Variants in HADH observed in about 807,000 individuals in gnomAD.
HADH encodes hydroxyacyl-CoA dehydrogenase.
In HADH, 24 loss-of-function variants were observed where a neutral mutation model predicts 32.2. That is an observed-to-expected ratio of 0.75 (90% CI 0.54 to 1.05). HADH has a LOEUF of 1.05. HADH is among the 50% of genes least tolerant of loss of function. The probability of loss-of-function intolerance (pLI) is 0.00; values close to 1 mark genes in which losing one functional copy is unlikely to be tolerated. For missense variants in HADH, 350 were observed against 397.1 expected, an observed-to-expected ratio of 0.88 and a Z score of 1.01; for synonymous variants, 139 against 152.5, an observed-to-expected ratio of 0.91 and a Z score of 0.65.
chr4:107,995,690 A>G (rs1734935002), intron 1 of HADH, among the ~76,000 whole-genome samples: 1 of 152,174 alleles, frequency 6.6e-6, no homozygotes, highest in African/African-American at 2.4e-5. Flanking sequence ...CCTGGGGTCA[A>G]TGGTCAGAGG....
chr4:108,010,600 T>C (rs565833524), intron 2 of HADH, among the ~76,000 whole-genome samples: 1 of 152,342 alleles, frequency 6.6e-6, no homozygotes, highest in Admixed American at 6.5e-5. Context: ...CATAAGGCAT[T>C]TGTTGTTTCT....
intron 4 of HADH, among the ~76,000 whole-genome samples, chr4:108,022,197 G>GTGTGTGTT (rs1735911523): frequency 2.5e-5 from 1 of 39,870 alleles, no homozygotes; most frequent in Non-Finnish European, 6.7e-5. Flanking sequence ...GTATGTGTGT[G>GTGTGTGTT]TGTATGTGTG....
At chr4:108,024,260 C>T (rs978029758) in intron 5 of HADH, 1 of 152,298 alleles carries the variant, frequency 6.6e-6, no homozygotes, top group Non-Finnish European at 1.5e-5. Flanking sequence ...TCCCCCAAAA[C>T]TCGGGGACTA....
In HADH at chr4:108,010,003, T is replaced by C; in HGVS notation, c.261+116T>C. ...TTTTTTTTTTTTTTTTTCAGTTTGTTAGTGTAAAACTCATTTTTCCATAAC... is the reference window on the plus strand; with the variant it reads ...TTTTTTTTTTTTTTTTTCAGTTTGTCAGTGTAAAACTCATTTTTCCATAAC... On this transcript the variant is annotated intron_variant, in intron 2 of 7. Transcript: ENST00000309522. 2 of 755,410 alleles carry C rather than the reference T, an allele frequency of 2.6e-6. 1 individual carries two copies. The highest frequency in any genetic ancestry group is 3.3e-5 in the South Asian group (2 of 61,166). 46.8% of individuals were successfully genotyped at this position (755,410 alleles called of 1,614,324 possible).
chr4:108,032,187 C>T (rs1050624400), intron 6 of HADH: 1 of 535,052 alleles, frequency 1.9e-6, no homozygotes, highest in Non-Finnish European at 3.5e-6. Context: ...TCTAGATAGC[C>T]ACCTGTTGCA....
intron 1 of HADH, among the ~76,000 whole-genome samples, chr4:107,998,720 T>C (rs1382700942): frequency 6.6e-6 from 1 of 152,094 alleles, no homozygotes; most frequent in Non-Finnish European, 1.5e-5. Flanking sequence ...TGTGTTCTTT[T>C]TGTTTTTTTG....
At chr4:108,016,554 C>A (rs992382095) in intron 3 of HADH, among the ~76,000 whole-genome samples, 7 of 152,174 alleles carry the variant, frequency 4.6e-5, no homozygotes, top group Admixed American at 3.9e-4. Flanking sequence ...TAATAAACAG[C>A]CACCCCAAAA....
At chr4:108,031,881 A>T (rs527536356) in intron 6 of HADH, 161 of 154,126 alleles carry the variant, frequency 1.0e-3, no homozygotes, top group Middle Eastern at 3.4e-3. Flanking sequence ...TGCCTATATG[A>T]TTATTTTTGT....
intron 1 of HADH, 44 bp from the exon 2 acceptor site, chr4:108,009,715 T>C (rs778868000): frequency 2.5e-6 from 4 of 1,602,554 alleles, no homozygotes; most frequent in African/African-American, 1.3e-5. Flanking sequence ...GTGCGTGTTA[T>C]GTTTTCTTTC....
chr4:108,011,238 C>G (rs1735484272), intron 2 of HADH, among the ~76,000 whole-genome samples: 1 of 151,944 alleles, frequency 6.6e-6, no homozygotes, highest in African/African-American at 2.4e-5. Flanking sequence ...TTTTTTTTAA[C>G]CCATTGTATT....
chr4:108,003,101 TAG>T (rs1735169343), intron 1 of HADH, among the ~76,000 whole-genome samples: 2 of 122,002 alleles, frequency 1.6e-5, no homozygotes, highest in Non-Finnish European at 3.3e-5. Flanking sequence ...ATCAGTGTCT[TAG>T]TCTTTTTTTT....
chr4:108,022,198 T>C (rs1735911356), intron 4 of HADH, among the ~76,000 whole-genome samples: 1 of 36,628 alleles, frequency 2.7e-5, no homozygotes, highest in Admixed American at 3.9e-4. Flanking sequence ...TATGTGTGTG[T>C]GTATGTGTGT....
chr4:108,016,493 A>G (rs547838157), intron 3 of HADH, among the ~76,000 whole-genome samples: 5 of 152,302 alleles, frequency 3.3e-5, no homozygotes, highest in African/African-American at 4.8e-5. Flanking sequence ...AAAACAGAAT[A>G]TACTTGTGGT....
chr4:107,997,020 A>G (rs533272214), intron 1 of HADH, among the ~76,000 whole-genome samples: 1 of 152,228 alleles, frequency 6.6e-6, no homozygotes, highest in Non-Finnish European at 1.5e-5. Context: ...AGTTCAAGAC[A>G]TTACACAACC....
intron 2 of HADH, among the ~76,000 whole-genome samples, chr4:108,014,013 T>A (rs1332004894): frequency 6.6e-6 from 1 of 152,166 alleles, no homozygotes; most frequent in Non-Finnish European, 1.5e-5. Flanking sequence ...CTTATTGAGG[T>A]CTGTGGAAAC....
chr4:108,035,019 C>A lies in HADH; in HGVS notation c.*662C>A, dbSNP rs1736417457. On this transcript the variant is annotated 3_prime_UTR_variant, in exon 8 of 8. Coordinates refer to ENST00000309522, the MANE Select transcript of HADH (RefSeq NM_005327.7). ...ATTACTGTCTGTCTGTGTCTTTTTT[C>A]CATGAGAAATCACTGTTGCAAATTG... 6.5e-6 allele frequency: 1 copy of A among 153,030 alleles called. No homozygotes were observed. Among genetic ancestry groups the A allele is most frequent in the African/African-American group, 2.4e-5 (1 of 41,376 alleles). The allele number at this position is 153,030 out of a possible 1,614,324, so 9.5% of individuals were successfully genotyped here.
chr4:108,012,227 C>T (rs894694219), intron 2 of HADH, among the ~76,000 whole-genome samples: 21 of 151,646 alleles, frequency 1.4e-4, no homozygotes, highest in African/African-American at 4.4e-4. Flanking sequence ...CATTTTTTCC[C>T]CAATGTCTAG....
chr4:108,004,896 C>T, intron 1 of HADH: 1 of 1,535,726 alleles, frequency 6.5e-7, no homozygotes, highest in South Asian at 1.2e-5. Flanking sequence ...GGAAGCCCAG[C>T]TGGGAGGCTA....
intron 1 of HADH, chr4:108,004,431 C>T (rs139891306): frequency 9.0e-6 from 3 of 334,746 alleles, no homozygotes; most frequent in Admixed American, 4.2e-5. Context: ...TTTCTAACCT[C>T]TGCATTTTTT....
Sources: gnomAD v4.1 joint callset for allele counts (sites outside exome capture counted in the v4.1 genomes callset) on GRCh38, gnomAD v4.1.1 for gene constraint, MANE v1.5 for transcripts, NCBI Gene and HGNC (gene_info 2026-07-23, HGNC 2026-07-21) for gene names.